APBA1: variants seen among roughly 807,000 people sequenced by gnomAD.
APBA1 encodes the protein amyloid-beta A4 precursor protein-binding family A member 1.
Under a neutral mutation model 86.6 loss-of-function variants are expected in APBA1, and 55 were observed. The ratio of observed to expected loss-of-function variants is 0.64; its 90% CI spans 0.51 to 0.80. APBA1 has a LOEUF of 0.80. Ranked by LOEUF, APBA1 falls within the 30% of genes least tolerant of loss-of-function variation. APBA1 has a pLI of 0.00. For missense variants in APBA1, 1,090 were observed against 1,183.0 expected, an observed-to-expected ratio of 0.92 and a Z score of 1.15; for synonymous variants, 511 against 493.9, an observed-to-expected ratio of 1.03 and a Z score of -0.46.
At chr9:69,471,867 G>A (rs1388299224) in intron 3 of APBA1, among the ~76,000 whole-genome samples, 172 bp from the exon 4 acceptor site, 1 of 152,084 alleles carries the variant, frequency 6.6e-6, no homozygotes, top group Non-Finnish European at 1.5e-5. Flanking sequence ...TATTAGTAAA[G>A]GTTACCTAAA....
intron 2 of APBA1, among the ~76,000 whole-genome samples, chr9:69,487,169 C>T (rs751018267): frequency 4.6e-5 from 7 of 152,130 alleles, no homozygotes; most frequent in South Asian, 2.1e-4. Context: ...TCTCAGAGAG[C>T]AGGGCCATGA....
intron 1 of APBA1, among the ~76,000 whole-genome samples, chr9:69,619,526 G>C (rs1181359852): frequency 6.6e-6 from 1 of 152,140 alleles, no homozygotes. Context: ...AAAACTCAAA[G>C]TATGCAGATG....
intron 2 of APBA1, among the ~76,000 whole-genome samples, chr9:69,489,522 C>A (rs1188844352): frequency 6.6e-6 from 1 of 150,692 alleles, no homozygotes; most frequent in Non-Finnish European, 1.5e-5. Flanking sequence ...ACCATAAAAA[C>A]CCTAGAAGAA....
chr9:69,545,572 G>A (rs564070801), intron 1 of APBA1, among the ~76,000 whole-genome samples: 5 of 152,282 alleles, frequency 3.3e-5, no homozygotes, highest in South Asian at 2.1e-4. Context: ...GTCATAAAGC[G>A]TTGGATTTTT....
At chr9:69,572,253 C>A (rs145972842) in intron 1 of APBA1, among the ~76,000 whole-genome samples, 2 of 152,142 alleles carry the variant, frequency 1.3e-5, no homozygotes, top group African/African-American at 2.4e-5. Context: ...TGCCGTCCCC[C>A]CTGACAGGCC....
At chr9:69,598,196 C>CA in intron 1 of APBA1, among the ~76,000 whole-genome samples, 1 of 151,952 alleles carries the variant, frequency 6.6e-6, no homozygotes, top group Non-Finnish European at 1.5e-5. Flanking sequence ...AAAAACCAAA[C>CA]ACTGCAAATT....
chr9:69,497,987 C>T (rs1316197164), intron 2 of APBA1, among the ~76,000 whole-genome samples: 1 of 152,102 alleles, frequency 6.6e-6, no homozygotes, highest in African/African-American at 2.4e-5. Context: ...ATGACAGATA[C>T]CAAATGTGGA....
At chr9:69,641,586 C>T (rs1341453428) in intron 1 of APBA1, among the ~76,000 whole-genome samples, 1 of 151,934 alleles carries the variant, frequency 6.6e-6, no homozygotes, top group Non-Finnish European at 1.5e-5. Context: ...AGAAACAGAC[C>T]CACCATATAT....
At chr9:69,671,740 G>A (rs1175071680) in intron 1 of APBA1, among the ~76,000 whole-genome samples, 1 of 152,126 alleles carries the variant, frequency 6.6e-6, no homozygotes, top group East Asian at 1.9e-4. Flanking sequence ...TCTTTCTCCA[G>A]GAGAGTCAGC....
At chr9:69,435,284 A>T (rs1272572771) in intron 11 of APBA1, among the ~76,000 whole-genome samples, 1 of 152,086 alleles carries the variant, frequency 6.6e-6, no homozygotes, top group African/African-American at 2.4e-5. Context: ...CAGCAGCATG[A>T]TTTATAGTCC....
intron 1 of APBA1, among the ~76,000 whole-genome samples, chr9:69,540,713 T>G (rs1836592303): frequency 1.3e-5 from 2 of 152,284 alleles, no homozygotes; most frequent in East Asian, 3.9e-4. Context: ...GTTCTCCCAC[T>G]TCAGCCTTCC....
chr9:69,563,764 C>T (rs1836983238), intron 1 of APBA1, among the ~76,000 whole-genome samples: 1 of 152,088 alleles, frequency 6.6e-6, no homozygotes, highest in Non-Finnish European at 1.5e-5. Context: ...GACACTCAGA[C>T]AGACAGATGT....
At chr9:69,606,608 CA>C (rs1256329034) in intron 1 of APBA1, among the ~76,000 whole-genome samples, 1 of 150,116 alleles carries the variant, frequency 6.7e-6, no homozygotes, top group East Asian at 2.0e-4. Flanking sequence ...TCTCCTGCCT[CA>C]GCCTCCCGAG....
chr9:69,514,693 G>C (rs1742920039), intron 2 of APBA1, among the ~76,000 whole-genome samples: 1 of 152,148 alleles, frequency 6.6e-6, no homozygotes, highest in African/African-American at 2.4e-5. Flanking sequence ...TGGTTCACTT[G>C]TGGCCAGCGG....
At chr9:69,617,366 C>A (rs949774295) in intron 1 of APBA1, among the ~76,000 whole-genome samples, 1 of 152,016 alleles carries the variant, frequency 6.6e-6, no homozygotes, top group South Asian at 2.1e-4. Flanking sequence ...AGCTGAATAT[C>A]ACATGGAGGA....
chr9:69,456,072 C>T (rs528269699), intron 8 of APBA1, among the ~76,000 whole-genome samples, 175 bp downstream of exon 8: 4 of 152,278 alleles, frequency 2.6e-5, no homozygotes, highest in East Asian at 3.9e-4. Flanking sequence ...TCAGCCCTTG[C>T]GATGAGTACC....
chr9:69,486,769 G>A (rs1233254077), intron 2 of APBA1, among the ~76,000 whole-genome samples: 1 of 151,994 alleles, frequency 6.6e-6, no homozygotes, highest in African/African-American at 2.4e-5. Context: ...GCTGGGACTA[G>A]CAGCTGGAGC....
chr9:69,496,892 CA>C (rs1285505493), intron 2 of APBA1, among the ~76,000 whole-genome samples: 1 of 151,962 alleles, frequency 6.6e-6, no homozygotes, highest in Non-Finnish European at 1.5e-5. Context: ...ATGAACTGCT[CA>C]GAACAGGCTG....
chr9:69,553,370 T>C (rs1268474250), intron 1 of APBA1, among the ~76,000 whole-genome samples: 1 of 152,178 alleles, frequency 6.6e-6, no homozygotes, highest in African/African-American at 2.4e-5. Context: ...AGCCAATACT[T>C]CCCCTTACCC....
Sources: allele counts gnomAD v4.1 joint callset (sites outside exome capture counted in the v4.1 genomes callset), GRCh38; gene constraint gnomAD v4.1.1; transcripts MANE v1.5; gene names NCBI Gene and HGNC (gene_info 2026-07-23, HGNC 2026-07-21).